Variants in RAB3C observed in about 807,000 individuals in gnomAD.
RAB3C encodes the protein RAB3C, member RAS oncogene family, also known as ras-related protein Rab-3C.
Under a neutral mutation model 26.4 loss-of-function variants are expected in RAB3C, and 17 were observed. The ratio of observed to expected loss-of-function variants is 0.64; its 90% confidence interval spans 0.44 to 0.97. RAB3C has a LOEUF of 0.97. RAB3C is among the 50% of genes least tolerant of loss of function. The probability of loss-of-function intolerance (pLI) is 0.00; values close to 1 mark genes in which losing one functional copy is unlikely to be tolerated. For synonymous variants in RAB3C, 91 were observed against 95.9 expected (o/e 0.95, Z 0.30); for missense variants, 242 against 281.9 (o/e 0.86, Z 1.01).
chr5:58,672,585 C>T (rs1748142499), intron 2 of RAB3C, among the ~76,000 whole-genome samples: 2 of 152,034 alleles, frequency 1.3e-5, no homozygotes. Flanking sequence ...CTAATTCATG[C>T]CTCTTATTGA....
chr5:58,618,258 G>A (rs913851853), intron 2 of RAB3C, among the ~76,000 whole-genome samples: 1 of 152,052 alleles, frequency 6.6e-6, no homozygotes, highest in African/African-American at 2.4e-5. Flanking sequence ...GTGGTTCTGG[G>A]TTTTTAGGTC....
chr5:58,773,941 G>A (rs1490514334), intron 3 of RAB3C, among the ~76,000 whole-genome samples: 1 of 152,070 alleles, frequency 6.6e-6, no homozygotes, highest in East Asian at 1.9e-4. Flanking sequence ...TCTCCATGCT[G>A]CTCAGCAGTC....
intron 2 of RAB3C, among the ~76,000 whole-genome samples, chr5:58,724,087 T>A (rs919831049): frequency 3.3e-5 from 5 of 151,874 alleles, no homozygotes; most frequent in Admixed American, 3.3e-4. Flanking sequence ...AACTGTTATA[T>A]GCCATCTCTC....
At chr5:58,769,523 T>C (rs1193034536) in intron 3 of RAB3C, among the ~76,000 whole-genome samples, 1 of 151,956 alleles carries the variant, frequency 6.6e-6, no homozygotes. Flanking sequence ...ATAAAGAGAA[T>C]CCTGACAACC....
chr5:58,619,730 T>G (rs1371372140), intron 2 of RAB3C, among the ~76,000 whole-genome samples: 1 of 152,160 alleles, frequency 6.6e-6, no homozygotes, highest in Non-Finnish European at 1.5e-5. Context: ...TGACAGAAAT[T>G]CTTTGTTGAG....
chr5:58,738,456 T>C (rs293000), intron 3 of RAB3C, among the ~76,000 whole-genome samples: 84,431 of 152,034 alleles, frequency 0.56, 23,733 homozygotes, highest in East Asian at 0.63. Context: ...TAGCAAATAG[T>C]TCGAAACACA....
intron 3 of RAB3C, among the ~76,000 whole-genome samples, chr5:58,786,387 A>G (rs1742381502): frequency 6.6e-6 from 1 of 151,770 alleles, no homozygotes; most frequent in Admixed American, 6.6e-5. Context: ...CCAGTGGCAC[A>G]CTTATAGGTG....
Position 58,828,312 on chromosome 5 carries a change from T to A in RAB3C, c.496+3150T>A, listed in dbSNP as rs557772864. 1.0e-3 allele frequency among the ~76,000 whole-genome samples: 157 copies of A among 152,350 alleles called. 1 individual carries two copies. The highest frequency in any genetic ancestry group is 1.6e-3 in the Non-Finnish European group (106 of 68,036). ...TTCTCAGCCATTTTGTTTCATTTGATCCTTTGAGCACCCCTCCTTACTGAA... is the reference window on the plus strand; with the variant it reads ...TTCTCAGCCATTTTGTTTCATTTGAACCTTTGAGCACCCCTCCTTACTGAA... On this transcript the variant is annotated intron_variant, in intron 4 of 4. Coordinates refer to ENST00000282878, the MANE Select transcript of RAB3C (RefSeq NM_138453.4).
Position 58,813,621 on chromosome 5 carries a change from TATATATATATATAC to T in RAB3C, c.372-11415_372-11402del, listed in dbSNP as rs1274287546. Reference sequence around the variant, plus strand: ...ATATATATATATATATATATATATATATATATATATATACACACACACACACACATATACATATG... The same window carrying T: ...ATATATATATATATATATATATATATACACACACACACACATATACATATG... On this transcript the variant is annotated intron_variant, in intron 3 of 4. Transcript: ENST00000282878. 5.5e-3 allele frequency among the ~76,000 whole-genome samples: 474 copies of T among 86,732 alleles called. 7 individuals carry two copies. Among genetic ancestry groups the T allele is most frequent in the South Asian group, 7.8e-3 (24 of 3,092 alleles). The allele number at this position is 86,732 out of a possible 152,430, so 56.9% of individuals were successfully genotyped here.
At chr5:58,612,815 TTC>T (rs1338716458) in intron 1 of RAB3C, among the ~76,000 whole-genome samples, 1 of 151,938 alleles carries the variant, frequency 6.6e-6, no homozygotes, top group Non-Finnish European at 1.5e-5. Flanking sequence ...TGCCTTTGAT[TTC>T]TTTCTCTTGC....
At position 58,758,161 on chromosome 5, in the gene RAB3C, G is replaced by A. The variant is rs185633730; in HGVS notation, c.371+32041G>A. Among the ~76,000 whole-genome samples, 666 of 152,134 alleles carry A rather than the reference G, an allele frequency of 4.4e-3. 8 individuals are homozygous for A. Among genetic ancestry groups the A allele is most frequent in the African/African-American group, 0.015 (609 of 41,478 alleles). On this transcript the variant is annotated intron_variant, in intron 3 of 4. Coordinates refer to ENST00000282878, the MANE Select transcript of RAB3C (RefSeq NM_138453.4). The stretch of plus-strand genomic sequence containing the variant: ...GGGTTTCACTGTGTTAGTCAGGATG[G>A]TCTTGATCTCCTGACCTTGTGATCC...
At chr5:58,739,577 A>G (rs1355759306) in intron 3 of RAB3C, among the ~76,000 whole-genome samples, 1 of 152,216 alleles carries the variant, frequency 6.6e-6, no homozygotes, top group Non-Finnish European at 1.5e-5. Flanking sequence ...ACAGCACAAC[A>G]TTAGACATGG....
chr5:58,617,706 A>T lies in RAB3C; in HGVS notation c.88A>T (p.Met30Leu), dbSNP rs1338199896. The change falls in exon 2 of 5, where the codon ATG (methionine) becomes TTG (leucine). Residue 30 changes from methionine (M) to leucine (L), a missense_variant. Physicochemically the swap from Met to Leu is conservative, Grantham distance 15. Transcript: ENST00000282878. ...KDSSDQNFDY[M>L]FKLLIIGNSS... ...CTCCTCTGATCAGAACTTTGACTAC[A>T]TGTTCAAATTACTCATCATCGGCAA... 1 of 1,613,892 alleles carries T rather than the reference A, an allele frequency of 6.2e-7. No individual in the cohort carries two copies. The highest frequency in any genetic ancestry group is 8.5e-7 in the Non-Finnish European group (1 of 1,179,922).
At chr5:58,779,563 T>A (rs1462530026) in intron 3 of RAB3C, among the ~76,000 whole-genome samples, 3 of 151,864 alleles carry the variant, frequency 2.0e-5, no homozygotes, top group Admixed American at 1.3e-4. Context: ...TTTTTAAAAT[T>A]TCGTTGTAGA....
At chr5:58,744,101 G>T (rs1379299407) in intron 3 of RAB3C, among the ~76,000 whole-genome samples, 2 of 152,146 alleles carry the variant, frequency 1.3e-5, no homozygotes, top group Non-Finnish European at 2.9e-5. Flanking sequence ...TGAAGTGTTT[G>T]GGCCAAAAGG....
At chr5:58,750,960 T>G (rs868631793) in intron 3 of RAB3C, among the ~76,000 whole-genome samples, 7 of 152,070 alleles carry the variant, frequency 4.6e-5, no homozygotes, top group East Asian at 1.9e-4. Context: ...GTTCAAGAGA[T>G]TCTCATGCCG....
chr5:58,596,852 ATAATATATAATATTATATT>A lies in RAB3C; in HGVS notation c.24+13633_24+13651del, dbSNP rs1483035071. On this transcript the variant is annotated intron_variant, in intron 1 of 4. Transcript: ENST00000282878. ...TATATAAATTTATAATATATAATAC[ATAATATATAATATTATATT>A]TAATATATAATACATAATATATAAT... Among the ~76,000 whole-genome samples the A allele has an allele frequency of 7.0e-5, 6 of 85,882 alleles. No homozygotes were observed. The East Asian group carries it at 1.8e-3, about 26-fold the overall frequency. 56.3% of individuals were successfully genotyped at this position (85,882 alleles called of 152,430 possible).
Position 58,839,520 on chromosome 5 carries a change from A to G in RAB3C, c.497-11644A>G, listed in dbSNP as rs59671367. Among the ~76,000 whole-genome samples, 1,068 of 151,886 alleles carry G rather than the reference A, an allele frequency of 7.0e-3. 14 individuals are homozygous for G. Among genetic ancestry groups the G allele is most frequent in the African/African-American group, 0.024 (992 of 41,434 alleles). On this transcript the variant is annotated intron_variant, in intron 4 of 4. Transcript: ENST00000282878. ...CAAGTAGCTAGGATTACAGGCATGC[A>G]CCACCATGCCCGGCTAATTTTGTAT... is the stretch of plus-strand genomic sequence containing the variant.
intron 2 of RAB3C, among the ~76,000 whole-genome samples, chr5:58,619,934 T>C (rs1201647998): frequency 1.3e-5 from 2 of 152,056 alleles, no homozygotes; most frequent in African/African-American, 4.8e-5. Flanking sequence ...AGCTCTTCTC[T>C]GAGCCAACCA....
Sources: allele counts gnomAD v4.1 joint callset (sites outside exome capture counted in the v4.1 genomes callset), GRCh38; gene constraint gnomAD v4.1.1; transcripts MANE v1.5; gene names NCBI Gene and HGNC (gene_info 2026-07-23, HGNC 2026-07-21).